Variants in LINGO2 observed in about 807,000 individuals in gnomAD.
LINGO2 encodes the protein leucine-rich repeat and immunoglobulin-like domain-containing nogo receptor-interacting protein 2.
Under a neutral mutation model 30.6 loss-of-function variants are expected in LINGO2, and 14 were observed. The observed-to-expected ratio is 0.46, with a 90% CI of 0.30 to 0.72. The LOEUF (loss-of-function observed/expected upper bound fraction) is 0.72. LINGO2 is among the 30% of genes least tolerant of loss of function. The pLI is 0.07. For synonymous variants in LINGO2, 317 were observed against 288.5 expected (o/e 1.10, Z -1.00); for missense variants, 729 against 751.7 (o/e 0.97, Z 0.35).
intron 2 of LINGO2, among the ~76,000 whole-genome samples, chr9:28,391,416 G>A (rs2134689743): frequency 6.6e-6 from 1 of 152,212 alleles, no homozygotes; most frequent in East Asian, 1.9e-4. Context: ...TGCTCTTACG[G>A]GTTCATCAGA....
chr9:28,555,722 G>A (rs1587853532), intron 1 of LINGO2, among the ~76,000 whole-genome samples: 1 of 152,014 alleles, frequency 6.6e-6, no homozygotes, highest in Admixed American at 6.6e-5. Flanking sequence ...CAATATCCTT[G>A]ATGAACATTG....
chr9:28,876,676 G>C, the LINGO2 span, among the ~76,000 whole-genome samples: 1 of 152,138 alleles, frequency 6.6e-6, no homozygotes, highest in Non-Finnish European at 1.5e-5. Context: ...TTGGTTCCAA[G>C]TCTTTGCTAT....
Position 28,616,222 on chromosome 9 carries a change from G to A in LINGO2, c.-365+53978C>T, listed in dbSNP as rs76928580. Among the ~76,000 whole-genome samples, 1,439 of 152,180 alleles carry A rather than the reference G, an allele frequency of 9.5e-3. 27 individuals carry two copies. Among genetic ancestry groups the A allele is most frequent in the East Asian group, 0.081 (422 of 5,178 alleles). Reference sequence around the variant, plus strand: ...TTTGTTCAGCTGGTCAAAATACAGCGTGAACAAAATTATAGTCGTATAGTT... The same window carrying A: ...TTTGTTCAGCTGGTCAAAATACAGCATGAACAAAATTATAGTCGTATAGTT... On this transcript the variant is annotated intron_variant, in intron 1 of 5. Transcript: ENST00000379992.
chr9:28,628,739 T>C (rs145168474), intron 1 of LINGO2, among the ~76,000 whole-genome samples: 86 of 152,252 alleles, frequency 5.6e-4, no homozygotes, highest in African/African-American at 1.6e-3. Context: ...CAATGTTTTA[T>C]TTCTGTACAA....
chr9:28,130,810 T>C lies in LINGO2; in HGVS notation c.-86-118405A>G, dbSNP rs528549637. Among the ~76,000 whole-genome samples the C allele has an allele frequency of 6.6e-6, 1 of 152,240 alleles. No homozygotes were observed. The highest frequency in any genetic ancestry group is 2.1e-4 in the South Asian group (1 of 4,828). On this transcript the variant is annotated intron_variant, in intron 4 of 5. Coordinates refer to ENST00000379992, the Ensembl canonical transcript of LINGO2. The surrounding 1 kb of genome is among the most constrained non-coding windows in gnomAD (Gnocchi z 5.2). The stretch of plus-strand genomic sequence containing the variant: ...TGGAAAAAGATTAGATTCTGAGAAG[T>C]AGTACAGTTTGGCTACAGAAGGAAG...
the LINGO2 span, among the ~76,000 whole-genome samples, chr9:28,827,975 A>T: frequency 6.6e-6 from 1 of 152,092 alleles, no homozygotes; most frequent in Admixed American, 6.6e-5. Context: ...ATTGGTATAT[A>T]TGTTATATGT....
At chr9:28,750,052 A>C in the LINGO2 span, among the ~76,000 whole-genome samples, 3,180 of 152,178 alleles carry the variant, frequency 0.021, 149 homozygotes, top group African/African-American at 0.072. Flanking sequence ...AACCAAATTT[A>C]GGAGGTACAT....
chr9:28,856,087 G>A, the LINGO2 span, among the ~76,000 whole-genome samples: 1 of 151,946 alleles, frequency 6.6e-6, no homozygotes, highest in Non-Finnish European at 1.5e-5. Flanking sequence ...CATTTTTGGG[G>A]GCAAAAGTGG....
intron 1 of LINGO2, among the ~76,000 whole-genome samples, chr9:28,483,938 C>T (rs1324706325): frequency 6.6e-6 from 1 of 152,000 alleles, no homozygotes; most frequent in East Asian, 1.9e-4. Context: ...ACTATATTTT[C>T]CTCACTGTTG....
At chr9:28,502,344 CT>C (rs1484225814) in intron 1 of LINGO2, among the ~76,000 whole-genome samples, 1 of 152,062 alleles carries the variant, frequency 6.6e-6, no homozygotes, top group African/African-American at 2.4e-5. Flanking sequence ...AGCTTGACTT[CT>C]CTCTTGTCTG....
the LINGO2 span, among the ~76,000 whole-genome samples, chr9:29,210,167 C>T: frequency 6.6e-6 from 1 of 152,152 alleles, no homozygotes; most frequent in African/African-American, 2.4e-5. Context: ...AGCTGTGGAA[C>T]ATTTTAATGT....
intron 4 of LINGO2, among the ~76,000 whole-genome samples, chr9:28,119,425 T>C (rs1302698730): frequency 2.0e-5 from 3 of 152,226 alleles, no homozygotes; most frequent in Admixed American, 2.0e-4. Flanking sequence ...GCTTTACTGC[T>C]TAACAAACAT....
intron 5 of LINGO2, among the ~76,000 whole-genome samples, chr9:27,967,771 C>T (rs1265837156): frequency 6.6e-6 from 1 of 152,068 alleles, no homozygotes; most frequent in Non-Finnish European, 1.5e-5. Flanking sequence ...TTAACTCTGA[C>T]CTTTGTTAAT....
chr9:28,662,475 A>C lies in LINGO2; in HGVS notation c.-365+7725T>G, dbSNP rs1441878167. 3.9e-5 allele frequency among the ~76,000 whole-genome samples: 6 copies of C among 152,292 alleles called. No homozygotes were observed. In the East Asian group the frequency reaches 1.2e-3, roughly 29 times the overall value. On this transcript the variant is annotated intron_variant, in intron 1 of 5. Transcript: ENST00000379992. ...TCTATCAAGTGATAGGAGATTTTGT[A>C]GAAAAAACCAGTGAGAGGGCGATTT...
chr9:28,025,064 T>C (rs1429607025), intron 4 of LINGO2, among the ~76,000 whole-genome samples: 3 of 152,220 alleles, frequency 2.0e-5, no homozygotes, highest in Non-Finnish European at 4.4e-5. Flanking sequence ...TCAATTACTT[T>C]CATGCTTTGG....
the LINGO2 span, among the ~76,000 whole-genome samples, chr9:28,829,905 A>G: frequency 6.6e-6 from 1 of 152,140 alleles, no homozygotes; most frequent in African/African-American, 2.4e-5. Flanking sequence ...AGATAAAAGG[A>G]AAGAGGTATA....
rs746233808 is a variant in LINGO2, at chr9:28,050,107, G to A, written c.-86-37702C>T. Among the ~76,000 whole-genome samples, 6 of 150,626 alleles carry A rather than the reference G, an allele frequency of 4.0e-5. 1 individual carries two copies. The highest frequency in any genetic ancestry group is 2.1e-4 in the South Asian group (1 of 4,696). Reference sequence around the variant, plus strand: ...GTGATTAGATTGAGATGGAAGGAGAGAAGAGTGAGGGGTCAAGTATAACTA... The same window carrying A: ...GTGATTAGATTGAGATGGAAGGAGAAAAGAGTGAGGGGTCAAGTATAACTA... On this transcript the variant is annotated intron_variant, in intron 4 of 5. Transcript: ENST00000379992.
intron 3 of LINGO2, among the ~76,000 whole-genome samples, chr9:28,319,428 A>C (rs957264443): frequency 6.6e-6 from 1 of 152,172 alleles, no homozygotes; most frequent in Non-Finnish European, 1.5e-5. Context: ...TAAGATTCCA[A>C]ATCTTAATTG....
the LINGO2 span, among the ~76,000 whole-genome samples, chr9:29,189,828 A>G: frequency 0.35 from 52,846 of 151,626 alleles, 10,996 homozygotes; most frequent in Admixed American, 0.49. Flanking sequence ...CGGCCAACAC[A>G]GCGAAACCCC....
Sources: gnomAD v4.1 joint callset for allele counts (sites outside exome capture counted in the v4.1 genomes callset) on GRCh38, gnomAD v4.1.1 for gene constraint, Gnocchi (gnomAD v3.1) non-coding constraint, MANE v1.5 for transcripts, NCBI Gene and HGNC (gene_info 2026-07-23, HGNC 2026-07-21) for gene names.